SLC11A2: variants seen among roughly 807,000 people sequenced by gnomAD.
SLC11A2 encodes the protein natural resistance-associated macrophage protein 2.
A neutral mutation model predicts 68.0 loss-of-function variants in SLC11A2; 38 were observed. That is an observed-to-expected ratio of 0.56 (90% CI 0.43 to 0.73). The LOEUF is 0.73. Ranked by LOEUF, SLC11A2 falls within the 30% of genes least tolerant of loss-of-function variation. The pLI is 0.00. For missense variants in SLC11A2, 517 were observed against 690.5 expected (o/e 0.75, Z 2.82); for synonymous variants, 242 against 250.6 (o/e 0.97, Z 0.32).
chr12:51,005,457 G>A (rs1402698850), intron 3 of SLC11A2, 21 bp from the exon 4 acceptor site: 1 of 1,612,656 alleles, frequency 6.2e-7, no homozygotes, highest in East Asian at 2.2e-5. Flanking sequence ...GAGGAAAAGA[G>A]ATTAAACTGA....
chr12:50,963,369 C>CAAAAAAAAAAA, the SLC11A2 span, among the ~76,000 whole-genome samples: 18 of 72,382 alleles, frequency 2.5e-4, no homozygotes, highest in East Asian at 3.5e-4. Context: ...GACTCCATCT[C>CAAAAAAAAAAA]AAAAAAAAAA....
intron 10 of SLC11A2, among the ~76,000 whole-genome samples, chr12:50,995,409 T>G (rs1015340916): frequency 1.3e-5 from 2 of 152,200 alleles, no homozygotes; most frequent in Admixed American, 6.5e-5. Context: ...TTCTGTTTGT[T>G]GACTACTCCC....
At chr12:50,967,073 C>T in the SLC11A2 span, among the ~76,000 whole-genome samples, 2 of 151,064 alleles carry the variant, frequency 1.3e-5, no homozygotes, top group African/African-American at 4.9e-5. Flanking sequence ...AAGATCACAC[C>T]ACTGCACTTC....
upstream of SLC11A2, chr12:51,026,522 C>A: frequency 4.9e-6 from 2 of 409,750 alleles, no homozygotes; most frequent in Non-Finnish European, 8.1e-6. Flanking sequence ...AGTCTGGATG[C>A]GGCGGCCCCT....
In SLC11A2 at chr12:50,992,353, T is replaced by C. The variant is rs532930281; in HGVS notation, c.1198-14A>G. The C allele has an allele frequency of 3.7e-6, 6 of 1,613,188 alleles. No homozygotes were observed. The Admixed American group carries it at 8.3e-5, about 22-fold the overall frequency. ...GTTCAGGAATCCCTGGAAGAAAACA[T>C]AGGAGCAGATGACTGTCTGCAACAG... is the stretch of plus-strand genomic sequence containing the variant. On this transcript the variant is annotated splice_polypyrimidine_tract_variant and intron_variant, in intron 12 of 15. Coordinates refer to ENST00000262052, the MANE Select transcript of SLC11A2 (RefSeq NM_000617.3).
At chr12:50,985,051 G>C (rs1197150435), downstream of SLC11A2, among the ~76,000 whole-genome samples, 1 of 152,184 alleles carries the variant, frequency 6.6e-6, no homozygotes, top group Non-Finnish European at 1.5e-5. Flanking sequence ...TCTACATAGA[G>C]GCTGATCCTC....
chr12:50,977,481 A>C (rs950503247), downstream of SLC11A2, among the ~76,000 whole-genome samples: 14 of 152,222 alleles, frequency 9.2e-5, no homozygotes, highest in African/African-American at 3.4e-4. Flanking sequence ...CTTACACCTT[A>C]TACAAAAATT....
chr12:51,027,162 C>T (rs567137420), upstream of SLC11A2, among the ~76,000 whole-genome samples: 1 of 118,110 alleles, frequency 8.5e-6, no homozygotes, highest in Non-Finnish European at 1.8e-5. Context: ...GAAACAAGAG[C>T]GAAAACTCCG....
upstream of SLC11A2, chr12:51,028,595 G>A: frequency 4.8e-6 from 1 of 206,412 alleles, no homozygotes; most frequent in South Asian, 1.2e-4. Flanking sequence ...TCCCTTCTCT[G>A]CTCCTCTTGG....
downstream of SLC11A2, among the ~76,000 whole-genome samples, chr12:50,982,510 C>T (rs1940121789): frequency 6.6e-6 from 1 of 152,150 alleles, no homozygotes; most frequent in Non-Finnish European, 1.5e-5. Context: ...ACCTGTAATC[C>T]CAGCTAATCG....
intron 2 of SLC11A2, chr12:51,009,284 G>T: frequency 7.7e-7 from 1 of 1,301,858 alleles, no homozygotes; most frequent in South Asian, 2.7e-5. Context: ...GCCGGTCACG[G>T]GGTACTGGCA....
chr12:50,999,738 C>T lies in SLC11A2; in HGVS notation c.537-323G>A, dbSNP rs1312197637. 3.9e-5 allele frequency among the ~76,000 whole-genome samples: 6 copies of T among 152,008 alleles called. No individual in the cohort carries two copies. In the South Asian group the frequency reaches 1.2e-3, roughly 32 times the overall value. The stretch of plus-strand genomic sequence containing the variant: ...ATCTAGTGGGGGCTGGGTGTAGTGG[C>T]TCACGCCTGTAATACCAGCACTTTG... On this transcript the variant is annotated intron_variant, in intron 6 of 15. Coordinates refer to ENST00000262052, the MANE Select transcript of SLC11A2 (RefSeq NM_000617.3).
At chr12:51,016,801 C>T (rs1214546322) in intron 1 of SLC11A2, among the ~76,000 whole-genome samples, 6 of 144,882 alleles carry the variant, frequency 4.1e-5, no homozygotes, top group South Asian at 4.4e-4. Flanking sequence ...AAGCCGAGAT[C>T]GCGCCACTGC....
chr12:50,961,061 G>C, the SLC11A2 span: 13 of 1,613,088 alleles, frequency 8.1e-6, no homozygotes, highest in Admixed American at 1.7e-5. Context: ...ATTCACATGA[G>C]AGTTGCTGCC....
intron 3 of SLC11A2, among the ~76,000 whole-genome samples, chr12:51,006,565 G>A (rs371025948): frequency 2.6e-5 from 4 of 151,978 alleles, no homozygotes; most frequent in Admixed American, 1.3e-4. Flanking sequence ...TCCTGATCCC[G>A]GAGAGAATTA....
At chr12:50,959,816 T>A in the SLC11A2 span, among the ~76,000 whole-genome samples, 2 of 151,948 alleles carry the variant, frequency 1.3e-5, no homozygotes, top group Non-Finnish European at 1.5e-5. Flanking sequence ...CCCGGCTAAT[T>A]TTTTTGTATT....
At chr12:50,981,916 A>G (rs1390426704), downstream of SLC11A2, 1 of 523,806 alleles carries the variant, frequency 1.9e-6, no homozygotes, top group East Asian at 3.2e-5. Context: ...CTGTACTGCT[A>G]TATTGATTTT....
upstream of SLC11A2, chr12:51,026,520 T>A (rs1363020514): frequency 2.3e-6 from 1 of 432,458 alleles, no homozygotes; most frequent in Non-Finnish European, 4.0e-6. Context: ...GGAGTCTGGA[T>A]GCGGCGGCCC....
chr12:50,970,511 T>C, the SLC11A2 span: 1 of 1,512,900 alleles, frequency 6.6e-7, no homozygotes, highest in Admixed American at 2.0e-5. Flanking sequence ...AAATGAAGCT[T>C]ACATGCTGGA....
Sources: gnomAD v4.1 joint callset for allele counts (sites outside exome capture counted in the v4.1 genomes callset) on GRCh38, gnomAD v4.1.1 for gene constraint, MANE v1.5 for transcripts, NCBI Gene and HGNC (gene_info 2026-07-23, HGNC 2026-07-21) for gene names.